MYOZ1: variants seen among roughly 807,000 people sequenced by gnomAD.
MYOZ1 encodes the protein myozenin 1.
Under a neutral mutation model 28.7 loss-of-function variants are expected in MYOZ1, and 20 were observed. The ratio of observed to expected loss-of-function variants is 0.70; its 90% CI spans 0.49 to 1.01. MYOZ1 has a LOEUF of 1.01. Ranked by LOEUF, MYOZ1 falls within the 50% of genes least tolerant of loss-of-function variation. The pLI, the probability that MYOZ1 is intolerant of heterozygous loss-of-function variation, is 0.00. For missense variants in MYOZ1, 371 were observed against 372.4 expected (o/e 1.00, Z 0.03); for synonymous variants, 144 against 145.8 (o/e 0.99, Z 0.09).
intron 3 of MYOZ1, among the ~76,000 whole-genome samples, 171 bp from the exon 4 acceptor site, chr10:73,634,904 C>T (rs2081658253): frequency 6.6e-6 from 1 of 152,126 alleles, no homozygotes; most frequent in African/African-American, 2.4e-5. Flanking sequence ...GAGAATTAAA[C>T]TCTTCTTTTT....
At chr10:73,634,895 A>G (rs998813110) in intron 3 of MYOZ1, among the ~76,000 whole-genome samples, 162 bp from the exon 4 acceptor site, 3 of 152,150 alleles carry the variant, frequency 2.0e-5, no homozygotes, top group Non-Finnish European at 4.4e-5. Context: ...GCTGACTAAG[A>G]GAATTAAACT....
intron 4 of MYOZ1, 64 bp downstream of exon 4, chr10:73,634,420 C>T (rs757161494): frequency 5.9e-5 from 94 of 1,591,746 alleles, no homozygotes; most frequent in Non-Finnish European, 7.6e-5. Flanking sequence ...TCAGCGTAGA[C>T]ATCATTCCTG....
chr10:73,637,775 T>C lies in MYOZ1; in HGVS notation c.221A>G (p.Asn74Ser). Residue 74 changes from asparagine (N) to serine (S), a missense_variant, in exon 3 of 6, where the codon AAC (asparagine) becomes AGC (serine). Coordinates refer to ENST00000359322, the MANE Select transcript of MYOZ1 (RefSeq NM_021245.4). The part of the protein sequence containing the change: ...QMRVEKFIYE[N>S]HPDVFSDSSM... ...GCTGTCAGAGAAAACATCAGGGTGG[T>C]TCTCATAAATAAACTTCTCCACCCT... 1 of 1,613,890 alleles carries C rather than the reference T, an allele frequency of 6.2e-7. No individual in the cohort carries two copies.
At chr10:73,641,072 G>A (rs1220810952) in intron 1 of MYOZ1, among the ~76,000 whole-genome samples, 1 of 152,220 alleles carries the variant, frequency 6.6e-6, no homozygotes, top group Non-Finnish European at 1.5e-5. Context: ...ACTGGGATAA[G>A]ATGGACTCCA....
intron 5 of MYOZ1, among the ~76,000 whole-genome samples, chr10:73,632,623 C>T (rs553379398): frequency 2.7e-5 from 4 of 150,456 alleles, no homozygotes; most frequent in Admixed American, 6.6e-5. Flanking sequence ...ACACCCCCCC[C>T]CCAAAAAAAA....
At chr10:73,637,169 C>T (rs541764313) in intron 3 of MYOZ1, among the ~76,000 whole-genome samples, 3 of 151,882 alleles carry the variant, frequency 2.0e-5, no homozygotes, top group Admixed American at 2.0e-4. Flanking sequence ...CCCACGACCA[C>T]GCCCAGCTAA....
At chr10:73,641,030 T>C (rs963031002) in intron 1 of MYOZ1, among the ~76,000 whole-genome samples, 13 of 152,028 alleles carry the variant, frequency 8.6e-5, no homozygotes, top group Non-Finnish European at 1.8e-4. Context: ...GGCAGAAACA[T>C]AGTAATAGGA....
intron 1 of MYOZ1, among the ~76,000 whole-genome samples, chr10:73,640,304 C>T (rs2081696142): frequency 1.3e-5 from 2 of 152,144 alleles, no homozygotes; most frequent in African/African-American, 4.8e-5. Flanking sequence ...TGCGCACCAC[C>T]GTGCCTGGCT....
At chr10:73,639,869 A>G in intron 2 of MYOZ1, 76 bp downstream of exon 2, 1 of 1,427,264 alleles carries the variant, frequency 7.0e-7, no homozygotes, top group Non-Finnish European at 9.8e-7. Context: ...TCACCCTAAG[A>G]TATATATTTC....
In MYOZ1 at chr10:73,632,148, A is replaced by T. The variant is rs1194701138; in HGVS notation, c.682T>A (p.Tyr228Asn). ...TTGGAGGCCTTCTCATATCCACCAT[A>T]GGGCATTGCCGTCCTGAGAAGGGGA... Reference protein sequence around the residue: ...YKSFNRTAMPYGGYEKASKRM... With the variant: ...YKSFNRTAMPNGGYEKASKRM... Residue 228 changes from tyrosine (Y) to asparagine (N), a missense_variant, in exon 6 of 6, where the codon TAT (tyrosine) becomes AAT (asparagine). By Grantham distance (143) the Tyr-to-Asn change is moderately radical. Coordinates refer to ENST00000359322, the MANE Select transcript of MYOZ1 (RefSeq NM_021245.4). 6.2e-7 allele frequency: 1 copy of T among 1,614,158 alleles called. No individual in the cohort carries two copies. Among genetic ancestry groups the T allele is most frequent in the Admixed American group, 1.7e-5 (1 of 60,024 alleles).
intron 2 of MYOZ1, among the ~76,000 whole-genome samples, chr10:73,639,225 C>G (rs1442838267): frequency 6.6e-6 from 1 of 151,708 alleles, no homozygotes; most frequent in Non-Finnish European, 1.5e-5. Context: ...CGGGTTCAAG[C>G]GATCGTCCCA....
At chr10:73,634,853 A>G (rs2081657783) in intron 3 of MYOZ1, 120 bp from the exon 4 acceptor site, 2 of 1,192,570 alleles carry the variant, frequency 1.7e-6, no homozygotes, top group Middle Eastern at 4.0e-4. Flanking sequence ...ATTTTCTGAT[A>G]TTTCCCCCTC....
intron 5 of MYOZ1, among the ~76,000 whole-genome samples, chr10:73,633,283 G>A (rs1354795530): frequency 1.3e-5 from 2 of 152,054 alleles, no homozygotes; most frequent in Non-Finnish European, 2.9e-5. Flanking sequence ...GGCAACAAGA[G>A]CAAAACTGAG....
rs750937696 is a variant in MYOZ1, at chr10:73,639,989, T to C, written c.29A>G (p.Asn10Ser). The C allele has an allele frequency of 3.7e-6, 6 of 1,613,998 alleles. No homozygotes were observed. The highest frequency in any genetic ancestry group is 1.3e-5 in the African/African-American group (1 of 75,004). Residue 10 changes from asparagine to serine, a missense_variant, in exon 2 of 6, where the codon AAT (asparagine) becomes AGT (serine). By Grantham distance (46) the Asn-to-Ser change is conservative. Transcript: ENST00000359322. ...CAGCTTGCTGGATTTCCTCTTCTTA[T>C]TAGGGGCCGGGGTTCCTGAGAGCGG... MPLSGTPAP[N>S]KKRKSSKLIM...
intron 3 of MYOZ1, among the ~76,000 whole-genome samples, chr10:73,635,432 A>C (rs1037585062): frequency 1.3e-5 from 2 of 151,944 alleles, no homozygotes; most frequent in African/African-American, 4.8e-5. Flanking sequence ...CCCAGGTTGG[A>C]GTGCAGTGAC....
At chr10:73,639,276 C>G (rs2132409035) in intron 2 of MYOZ1, among the ~76,000 whole-genome samples, 1 of 152,220 alleles carries the variant, frequency 6.6e-6, no homozygotes, top group African/African-American at 2.4e-5. Context: ...GCACATGCCA[C>G]TACACCTGGC....
In MYOZ1 at chr10:73,632,129, G is replaced by A. The variant is rs2081638874; in HGVS notation, c.701C>T (p.Ala234Val). ...CATCTGGAAGGTCATGCGTTTGGAGGCCTTCTCATATCCACCATAGGGCAT... is the reference window on the plus strand; with the variant it reads ...CATCTGGAAGGTCATGCGTTTGGAGACCTTCTCATATCCACCATAGGGCAT... Reference protein sequence around the residue: ...TAMPYGGYEKASKRMTFQMPK... With the variant: ...TAMPYGGYEKVSKRMTFQMPK... The change falls in exon 6 of 6, where the codon GCC becomes GTC. Residue 234 changes from alanine to valine, a missense_variant. Transcript: ENST00000359322. 5.6e-6 allele frequency: 9 copies of A among 1,614,054 alleles called. No homozygotes were observed. The highest frequency in any genetic ancestry group is 7.6e-6 in the Non-Finnish European group (9 of 1,180,016).
intron 4 of MYOZ1, 43 bp downstream of exon 4, chr10:73,634,441 G>C (rs1314814798): frequency 2.5e-6 from 4 of 1,607,948 alleles, no homozygotes; most frequent in Non-Finnish European, 2.5e-6. Context: ...GGACAACTCT[G>C]CTCTAGGGAC....
At chr10:73,637,485 T>G (rs1459922905) in intron 3 of MYOZ1, among the ~76,000 whole-genome samples, 1 of 152,212 alleles carries the variant, frequency 6.6e-6, no homozygotes, top group East Asian at 1.9e-4. Flanking sequence ...CTTTAACACT[T>G]ACCTTTACTG....
Sources: gnomAD v4.1 joint callset for allele counts (sites outside exome capture counted in the v4.1 genomes callset) on GRCh38, gnomAD v4.1.1 for gene constraint, MANE v1.5 for transcripts, NCBI Gene and HGNC (gene_info 2026-07-23, HGNC 2026-07-21) for gene names.